DYNC2H1: variants seen among roughly 807,000 people sequenced by gnomAD.
DYNC2H1 encodes the protein cytoplasmic dynein 2 heavy chain 1.
A neutral mutation model predicts 570.0 loss-of-function variants in DYNC2H1; 410 were observed. The observed-to-expected ratio is 0.72, with a 90% CI of 0.66 to 0.78. DYNC2H1 has a LOEUF of 0.78. Ranked by LOEUF, DYNC2H1 falls within the 30% of genes least tolerant of loss-of-function variation. The pLI, the probability that DYNC2H1 is intolerant of heterozygous loss-of-function variation, is 0.00. For missense variants in DYNC2H1, 4,865 were observed against 5,046.4 expected (o/e 0.96, Z 1.09); for synonymous variants, 1,688 against 1,677.6 (o/e 1.01, Z -0.15).
intron 12 of DYNC2H1, among the ~76,000 whole-genome samples, chr11:103,126,667 C>T (rs1316091245): frequency 2.0e-5 from 3 of 146,916 alleles, no homozygotes; most frequent in Admixed American, 6.8e-5. Flanking sequence ...GACGGAGTCT[C>T]GCTCTGTTGC....
intron 6 of DYNC2H1, 122 bp from the exon 7 acceptor site, chr11:103,120,325 T>C: frequency 1.1e-6 from 1 of 941,220 alleles, no homozygotes; most frequent in Non-Finnish European, 1.5e-6. Context: ...GTTTTATTGG[T>C]TTTTTCTTTT....
At position 103,334,753 on chromosome 11, in the gene DYNC2H1, T is replaced by C. The variant is rs1939025003; in HGVS notation, c.12039+10763T>C. Among the ~76,000 whole-genome samples the C allele has an allele frequency of 1.3e-5, 2 of 152,100 alleles. No individual in the cohort carries two copies. The highest frequency in any genetic ancestry group is 4.8e-5 in the African/African-American group (2 of 41,446). ...TTAATAATTAAAGTAGAGAGGATTTTTGTTTCATGATAGAATTGACTGCTT... is the reference window on the plus strand; with the variant it reads ...TTAATAATTAAAGTAGAGAGGATTTCTGTTTCATGATAGAATTGACTGCTT... On this transcript the variant is annotated intron_variant, in intron 82 of 88. Coordinates refer to ENST00000375735, the MANE Select transcript of DYNC2H1 (RefSeq NM_001377.3). This position sits in a 1 kb window ranked among gnomAD's most constrained non-coding sequence, Gnocchi z 4.3.
chr11:103,211,727 TTC>T (rs1863161388), intron 53 of DYNC2H1, 60 bp from the exon 54 acceptor site: 1 of 655,762 alleles, frequency 1.5e-6, no homozygotes, highest in African/African-American at 1.9e-5. Context: ...TTAGGATATT[TTC>T]TCTTATTTTT....
intron 84 of DYNC2H1, among the ~76,000 whole-genome samples, chr11:103,411,608 TGAAAGA>T (rs1943090241): frequency 6.6e-6 from 1 of 152,094 alleles, no homozygotes; most frequent in Non-Finnish European, 1.5e-5. Flanking sequence ...TAGATTATGT[TGAAAGA>T]TAAAGAACAA....
In DYNC2H1 at chr11:103,222,061, A is replaced by G. The variant is rs2135153656; in HGVS notation, c.9139A>G (p.Ile3047Val). ...TGCAAAAAGAGGTGTAAGAGAAGAC[A>G]TAGCAACCTTTGATGCCCGAAATAT... ...FLAKRGVRED[I>V]ATFDARNISK... Residue 3047 changes from isoleucine (I) to valine (V), a missense_variant, in exon 58 of 89, where the codon ATA becomes GTA. Transcript: ENST00000375735. The G allele has an allele frequency of 6.2e-7, 1 of 1,612,244 alleles. No individual in the cohort carries two copies. Among genetic ancestry groups the G allele is most frequent in the Non-Finnish European group, 8.5e-7 (1 of 1,179,054 alleles).
chr11:103,170,684 C>T lies in DYNC2H1; in HGVS notation c.5152-202C>T, dbSNP rs1213112955. ...TTTTTTCTGCAAGCTTTTTAGAACA[C>T]TTTCACATGCATTATTTTGTTTATC... On this transcript the variant is annotated intron_variant, in intron 33 of 88. Coordinates refer to ENST00000375735, the MANE Select transcript of DYNC2H1 (RefSeq NM_001377.3). This position sits in a 1 kb window ranked among gnomAD's most constrained non-coding sequence, Gnocchi z 4.8. 2.6e-5 allele frequency among the ~76,000 whole-genome samples: 4 copies of T among 152,164 alleles called. No homozygotes were observed. Among genetic ancestry groups the T allele is most frequent in the Admixed American group, 2.6e-4 (4 of 15,266 alleles).
chr11:103,284,432 C>T (rs868022355), intron 73 of DYNC2H1, among the ~76,000 whole-genome samples: 8 of 152,322 alleles, frequency 5.3e-5, no homozygotes, highest in Middle Eastern at 3.4e-3. Flanking sequence ...TTAAGAGACT[C>T]TGCCATGAAC....
chr11:103,167,624 C>G (rs994946848), intron 31 of DYNC2H1, among the ~76,000 whole-genome samples: 1 of 152,092 alleles, frequency 6.6e-6, no homozygotes, highest in Non-Finnish European at 1.5e-5. Flanking sequence ...CATCTAGATA[C>G]TGGTACTTAT....
At chr11:103,198,172 A>G (rs1862575735) in intron 48 of DYNC2H1, 109 bp downstream of exon 48, 10 of 1,260,820 alleles carry the variant, frequency 7.9e-6, no homozygotes, top group African/African-American at 1.5e-5. Context: ...TAGAATAGGC[A>G]AAGCTGGTTC....
At chr11:103,124,322 G>C (rs1858874556) in intron 11 of DYNC2H1, among the ~76,000 whole-genome samples, 1 of 151,558 alleles carries the variant, frequency 6.6e-6, no homozygotes, top group Non-Finnish European at 1.5e-5. Context: ...TGGCTTGCCT[G>C]TTGTCCCAGT....
intron 84 of DYNC2H1, chr11:103,402,024 G>T (rs1022871036): frequency 3.3e-5 from 5 of 152,088 alleles, no homozygotes; most frequent in African/African-American, 9.7e-5. Flanking sequence ...ACCCATCAGA[G>T]ATAATGAAGG....
At chr11:103,139,245 C>T (rs1003670014) in intron 17 of DYNC2H1, among the ~76,000 whole-genome samples, 27 of 151,646 alleles carry the variant, frequency 1.8e-4, no homozygotes, top group African/African-American at 5.6e-4. Context: ...TTATTTCTTG[C>T]CTTCTGCTAG....
intron 81 of DYNC2H1, among the ~76,000 whole-genome samples, chr11:103,323,480 A>G (rs1938317699): frequency 6.6e-6 from 1 of 151,568 alleles, no homozygotes; most frequent in African/African-American, 2.4e-5. Flanking sequence ...AAATATATAT[A>G]TATATATATA....
intron 75 of DYNC2H1, among the ~76,000 whole-genome samples, chr11:103,302,031 G>A (rs1867069418): frequency 6.6e-6 from 1 of 151,796 alleles, no homozygotes; most frequent in Non-Finnish European, 1.5e-5. Context: ...TTTCAGTTTG[G>A]CCTTTATGAA....
At chr11:103,372,764 G>A (rs1340583661) in intron 83 of DYNC2H1, among the ~76,000 whole-genome samples, 5 of 152,134 alleles carry the variant, frequency 3.3e-5, no homozygotes, top group Admixed American at 2.0e-4. Context: ...TGTAAAATGA[G>A]TTTAGAATTG....
chr11:103,137,900 C>T (rs1387121560), intron 17 of DYNC2H1, among the ~76,000 whole-genome samples: 1 of 149,922 alleles, frequency 6.7e-6, no homozygotes, highest in Non-Finnish European at 1.5e-5. Flanking sequence ...TCTTTTATTT[C>T]ATTGAGCAGT....
chr11:103,147,974 A>G (rs1860330314), intron 19 of DYNC2H1, 87 bp downstream of exon 19: 2 of 1,010,584 alleles, frequency 2.0e-6, no homozygotes, highest in Non-Finnish European at 2.8e-6. Flanking sequence ...AATTTCAATG[A>G]TCATTAAAAA....
At chr11:103,137,223 T>G (rs1859613442) in intron 17 of DYNC2H1, among the ~76,000 whole-genome samples, 2 of 149,014 alleles carry the variant, frequency 1.3e-5, no homozygotes, top group South Asian at 4.3e-4. Flanking sequence ...AGAAGCTCTT[T>G]AGTTGAATTA....
chr11:103,258,848 G>A (rs1386695193), intron 69 of DYNC2H1, among the ~76,000 whole-genome samples: 2 of 152,186 alleles, frequency 1.3e-5, no homozygotes, highest in Non-Finnish European at 1.5e-5. Context: ...TGTAGGTACA[G>A]TACTGTGTCT....
Sources: gnomAD v4.1 joint callset for allele counts (sites outside exome capture counted in the v4.1 genomes callset) on GRCh38, gnomAD v4.1.1 for gene constraint, Gnocchi (gnomAD v3.1) non-coding constraint, MANE v1.5 for transcripts, NCBI Gene and HGNC (gene_info 2026-07-23, HGNC 2026-07-21) for gene names.